NRXN1: variants seen among roughly 807,000 people sequenced by gnomAD.
The protein encoded by NRXN1 is neurexin 1.
A neutral mutation model predicts 150.9 loss-of-function variants in NRXN1; 39 were observed. The ratio of observed to expected loss-of-function variants is 0.26; its 90% CI spans 0.20 to 0.34. The LOEUF (loss-of-function observed/expected upper bound fraction) is 0.34, where lower values mean the gene tolerates loss of function less well. Among genes scored for constraint, NRXN1 ranks in the 10% least tolerant of loss-of-function variants. NRXN1 has a pLI of 1.00. For missense variants in NRXN1, 1,815 were observed against 1,949.9 expected, an observed-to-expected ratio of 0.93 and a Z score of 1.30; for synonymous variants, 924 against 757.0, an observed-to-expected ratio of 1.22 and a Z score of -3.62.
At chr2:50,862,226 G>A (rs1245158946) in intron 5 of NRXN1, among the ~76,000 whole-genome samples, 1 of 151,358 alleles carries the variant, frequency 6.6e-6, no homozygotes, top group Non-Finnish European at 1.5e-5. Context: ...AAAAATTCAT[G>A]CTAGTATAGT....
chr2:50,451,776 A>G (rs1202120155), intron 17 of NRXN1, among the ~76,000 whole-genome samples: 1 of 152,236 alleles, frequency 6.6e-6, no homozygotes, highest in African/African-American at 2.4e-5. Flanking sequence ...ACAGGCATAC[A>G]TCTTAAGTAC....
In NRXN1 at chr2:51,027,493, G is replaced by GGGCCTTACCTTGGCTGCA; in HGVS notation, c.763_772+8dup. 6.6e-7 allele frequency: 1 copy of GGGCCTTACCTTGGCTGCA among 1,506,538 alleles called. No homozygotes were observed. The allele number at this position is 1,506,538 out of a possible 1,614,324, so 93.3% of individuals were successfully genotyped here. Reference sequence around the variant, plus strand: ...CCCCGGCCCCCGTGGGTCGGGCGTCGGGCCTTACCTTGGCTGCAGTCCTTG... The same window carrying GGGCCTTACCTTGGCTGCA: ...CCCCGGCCCCCGTGGGTCGGGCGTCGGGCCTTACCTTGGCTGCAGGCCTTACCTTGGCTGCAGTCCTTG... On this transcript the variant is annotated intron_variant, in intron 2 of 22. Transcript: ENST00000401669.
At position 51,027,859 on chromosome 2, in the gene NRXN1, C is replaced by G. The variant is rs1208575276; in HGVS notation, c.415G>C (p.Glu139Gln). ...ATGTCCCTGCGCTTGGACTTGACCT[C>G]CACCCACTTGGCCTCCACCTGGTCG... ...FIDQVEAKWV[E>Q]VKSKRRDMTV... The change falls in exon 2 of 23, where the codon GAG becomes CAG. Residue 139 changes from glutamate to glutamine, a missense_variant. Around this residue, in one of 6 missense-constraint regions of NRXN1, gnomAD observed 554 missense variants for 478.8 expected, o/e 1.16. Transcript: ENST00000401669. 6.2e-7 allele frequency: 1 copy of G among 1,613,104 alleles called. No individual in the cohort carries two copies. Among genetic ancestry groups the G allele is most frequent in the South Asian group, 1.1e-5 (1 of 91,086 alleles).
chr2:50,367,841 A>G (rs545052961), intron 17 of NRXN1, among the ~76,000 whole-genome samples: 127 of 152,128 alleles, frequency 8.3e-4, no homozygotes, highest in Middle Eastern at 3.4e-3. Flanking sequence ...AGTTTTTAAG[A>G]AACAAATATT....
intron 8 of NRXN1, among the ~76,000 whole-genome samples, chr2:50,558,086 A>C (rs1202455834): frequency 5.9e-5 from 9 of 152,228 alleles, no homozygotes; most frequent in African/African-American, 1.9e-4. Context: ...ACAATCAGTT[A>C]AGATTTACCA....
intron 2 of NRXN1, among the ~76,000 whole-genome samples, chr2:50,976,373 G>A (rs373994310): frequency 9.9e-5 from 15 of 151,648 alleles, no homozygotes; most frequent in Non-Finnish European, 1.3e-4. Flanking sequence ...CAAATTGAAT[G>A]CTGTGTTATC....
chr2:50,686,015 T>A (rs183015507), intron 5 of NRXN1, among the ~76,000 whole-genome samples: 27 of 152,226 alleles, frequency 1.8e-4, no homozygotes, highest in Admixed American at 1.1e-3. Context: ...GGCTTGGAGC[T>A]ACTTACTTCC....
chr2:50,420,392 T>A (rs1216889673), intron 17 of NRXN1, among the ~76,000 whole-genome samples: 1 of 151,094 alleles, frequency 6.6e-6, no homozygotes, highest in Non-Finnish European at 1.5e-5. Context: ...CACACATACA[T>A]ACATGTACAC....
At chr2:49,947,057 T>C (rs555035936) in intron 21 of NRXN1, among the ~76,000 whole-genome samples, 27 of 152,308 alleles carry the variant, frequency 1.8e-4, no homozygotes, top group Admixed American at 2.6e-4. Context: ...TGACGTGTTA[T>C]TGAATTATGT....
intron 21 of NRXN1, among the ~76,000 whole-genome samples, chr2:50,010,049 TACA>T (rs1685402224): frequency 1.3e-5 from 2 of 152,004 alleles, no homozygotes; most frequent in Non-Finnish European, 2.9e-5. Context: ...ACGATACAAC[TACA>T]TCACACAATT....
intron 2 of NRXN1, among the ~76,000 whole-genome samples, chr2:51,025,473 TA>T (rs1670293266): frequency 6.6e-6 from 1 of 152,096 alleles, no homozygotes; most frequent in Admixed American, 6.5e-5. Flanking sequence ...CATAGAAAAA[TA>T]AAAATTTTCA....
chr2:50,244,028 A>T (rs1449611936), intron 17 of NRXN1, among the ~76,000 whole-genome samples: 2 of 151,868 alleles, frequency 1.3e-5, no homozygotes, highest in East Asian at 1.9e-4. Context: ...ACCTCTACCT[A>T]TTGGCCCAAA....
At chr2:50,255,224 G>A (rs1336203117) in intron 17 of NRXN1, among the ~76,000 whole-genome samples, 5 of 152,082 alleles carry the variant, frequency 3.3e-5, no homozygotes, top group African/African-American at 7.2e-5. Context: ...ATAACTCAAC[G>A]ATATAAGATT....
At chr2:50,171,574 G>A (rs1403654) in intron 18 of NRXN1, among the ~76,000 whole-genome samples, 15,513 of 152,084 alleles carry the variant, frequency 0.1, 965 homozygotes, top group East Asian at 0.17. Flanking sequence ...GCTGTCTGAA[G>A]ATGATTTTGA....
At chr2:50,498,295 C>T (rs145944093) in intron 13 of NRXN1, among the ~76,000 whole-genome samples, 1 of 152,272 alleles carries the variant, frequency 6.6e-6, no homozygotes, top group Non-Finnish European at 1.5e-5. Context: ...TTCACTTTCC[C>T]TCTTCGTGCT....
intron 21 of NRXN1, among the ~76,000 whole-genome samples, chr2:49,994,364 T>C (rs1682557880): frequency 6.6e-6 from 1 of 152,208 alleles, no homozygotes; most frequent in Non-Finnish European, 1.5e-5. Context: ...ATATGACTAA[T>C]AGACGAATCC....
chr2:50,647,170 C>T (rs1684945999), intron 5 of NRXN1, among the ~76,000 whole-genome samples: 1 of 151,618 alleles, frequency 6.6e-6, no homozygotes, highest in Admixed American at 6.6e-5. Context: ...TTAGGTCATT[C>T]CCTGGAGAGT....
At chr2:50,058,176 T>C (rs75613425) in intron 19 of NRXN1, among the ~76,000 whole-genome samples, 2,648 of 152,238 alleles carry the variant, frequency 0.017, 79 homozygotes, top group African/African-American at 0.06. Context: ...CAACAGAAGC[T>C]TTGGAGATCC....
chr2:50,759,826 C>CTGTGTGTG lies in NRXN1; in HGVS notation c.833-136219_833-136212dup, dbSNP rs72209781. Reference sequence around the variant, plus strand: ...GCTTAGCACTATCAATCTAACTAAGCTGTGTGTGTGTGTGTGTGTGTGTGT... The same window carrying CTGTGTGTG: ...GCTTAGCACTATCAATCTAACTAAGCTGTGTGTGTGTGTGTGTGTGTGTGTGTGTGTGT... On this transcript the variant is annotated intron_variant, in intron 5 of 22. Transcript: ENST00000401669. Among the ~76,000 whole-genome samples the CTGTGTGTG allele has an allele frequency of 8.4e-3, 1,194 of 142,384 alleles. 17 individuals carry two copies. The highest frequency in any genetic ancestry group is 0.022 in the African/African-American group (855 of 38,210). 93.4% of individuals were successfully genotyped at this position (142,384 alleles called of 152,430 possible).
Sources: allele counts gnomAD v4.1 joint callset (sites outside exome capture counted in the v4.1 genomes callset), GRCh38; gene constraint gnomAD v4.1.1; regional missense constraint gnomAD v4.1.1; transcripts MANE v1.5; gene names NCBI Gene and HGNC (gene_info 2026-07-23, HGNC 2026-07-21).